The following HID1 variants were observed in gnomAD, a reference collection of about 807,000 sequenced individuals.
The protein encoded by HID1 is protein HID1.
A neutral mutation model predicts 89.7 loss-of-function variants in HID1; 42 were observed. That is an observed-to-expected ratio of 0.47 (90% confidence interval 0.37 to 0.61). The LOEUF is 0.61. HID1 is among the 20% of genes least tolerant of loss of function. The pLI is 0.00. For synonymous variants in HID1, 442 were observed against 433.8 expected, an observed-to-expected ratio of 1.02 and a Z score of -0.24; for missense variants, 854 against 1,039.3, an observed-to-expected ratio of 0.82 and a Z score of 2.45.
chr17:74,956,639 C>G (rs1385015961), intron 12 of HID1, among the ~76,000 whole-genome samples: 1 of 152,142 alleles, frequency 6.6e-6, no homozygotes, highest in Non-Finnish European at 1.5e-5. Context: ...AAGCTCACAG[C>G]CCAGCTAGAG....
In HID1 at chr17:74,972,522, C is replaced by T; in HGVS notation, c.66+69G>A. On this transcript the variant is annotated intron_variant, in intron 1 of 18. Transcript: ENST00000425042. The surrounding 1 kb of genome is among the most constrained non-coding windows in gnomAD (Gnocchi z 6.4). ...CCCATCTCCCGACGAGCCAAGTTCGCGTACCCCCGGCCCTGCCCAGCCCCC... is the reference window on the plus strand; with the variant it reads ...CCCATCTCCCGACGAGCCAAGTTCGTGTACCCCCGGCCCTGCCCAGCCCCC... 2.1e-6 allele frequency: 3 copies of T among 1,417,106 alleles called. No individual in the cohort carries two copies. The East Asian group carries it at 7.8e-5, about 37-fold the overall frequency. The allele number at this position is 1,417,106 out of a possible 1,614,324, so 87.8% of individuals were successfully genotyped here.
rs2039646041 is a variant in HID1 at position 74,971,428 on chromosome 17, C to T, written c.66+1163G>A. 2.0e-5 allele frequency among the ~76,000 whole-genome samples: 3 copies of T among 152,246 alleles called. No individual in the cohort carries two copies. The South Asian group carries it at 6.2e-4, about 31-fold the overall frequency. The stretch of plus-strand genomic sequence containing the variant: ...AGAGCCTTTCAGCCGGGGTTGGACT[C>T]TCCAGAGGCCCTGGGCATTTGCTGC... On this transcript the variant is annotated intron_variant, in intron 1 of 18. Transcript: ENST00000425042.
At chr17:74,967,574 G>T (rs530207127) in intron 1 of HID1, among the ~76,000 whole-genome samples, 70 of 152,066 alleles carry the variant, frequency 4.6e-4, no homozygotes, top group Middle Eastern at 3.4e-3. Context: ...TAATGGCTGG[G>T]CACAGTGGCT....
chr17:74,971,502 G>T (rs558468598), intron 1 of HID1, among the ~76,000 whole-genome samples: 2 of 152,202 alleles, frequency 1.3e-5, no homozygotes, highest in African/African-American at 4.8e-5. Flanking sequence ...GCAAGGTCTG[G>T]CCCCTGGAGC....
At chr17:74,963,147 G>T (rs2039510495) in intron 3 of HID1, 66 bp from the exon 4 acceptor site, 3 of 1,218,926 alleles carry the variant, frequency 2.5e-6, no homozygotes, top group Non-Finnish European at 3.5e-6. Context: ...CCCAGGGCTT[G>T]GGGGTGGTGG....
intron 14 of HID1, among the ~76,000 whole-genome samples, chr17:74,953,906 G>A (rs116752774): frequency 0.017 from 2,507 of 148,082 alleles, 79 homozygotes; most frequent in African/African-American, 0.06. Flanking sequence ...CCCCATCCCT[G>A]TGCCCATCCC....
At position 74,962,170 on chromosome 17, in the gene HID1, G is replaced by T; in HGVS notation, c.611+64C>A. ...TGGGAAGACCCCATGGGCTTTCTGAGCTGTGCGGGGGCCCGGCCCGGGGTC... is the reference window on the plus strand; with the variant it reads ...TGGGAAGACCCCATGGGCTTTCTGATCTGTGCGGGGGCCCGGCCCGGGGTC... On this transcript the variant is annotated intron_variant, in intron 5 of 18. Transcript: ENST00000425042. This position sits in a 1 kb window ranked among gnomAD's most constrained non-coding sequence, Gnocchi z 4.3. 7.2e-7 allele frequency: 1 copy of T among 1,391,456 alleles called. No homozygotes were observed. Among genetic ancestry groups the T allele is most frequent in the Non-Finnish European group, 1.0e-6 (1 of 1,003,036 alleles). 86.2% of individuals were successfully genotyped at this position (1,391,456 alleles called of 1,614,324 possible). A position where few individuals can be genotyped will look rare whatever the true frequency, so the allele number is the denominator to read the frequency against.
intron 12 of HID1, among the ~76,000 whole-genome samples, chr17:74,956,594 G>A (rs2039393999): frequency 6.6e-6 from 1 of 152,200 alleles, no homozygotes; most frequent in Non-Finnish European, 1.5e-5. Flanking sequence ...GAGCCAGAGA[G>A]TGAACCAGGA....
chr17:74,952,414 G>A (rs1359120747), intron 16 of HID1, 54 bp from the exon 17 acceptor site: 7 of 1,384,940 alleles, frequency 5.1e-6, no homozygotes, highest in Non-Finnish European at 6.2e-6. Context: ...GAGGCTGCGG[G>A]GCAAGCCTGA....
chr17:74,952,972 G>A, intron 16 of HID1, 34 bp downstream of exon 16: 1 of 1,538,880 alleles, frequency 6.5e-7, no homozygotes, highest in Non-Finnish European at 8.8e-7. Context: ...CCAAACCCCA[G>A]CCCCCGCTCG....
intron 14 of HID1, 148 bp downstream of exon 14, chr17:74,953,989 TC>T (rs1171626069): frequency 7.6e-6 from 6 of 785,052 alleles, no homozygotes; most frequent in South Asian, 1.6e-5. Flanking sequence ...TCCAGTACCC[TC>T]CCCCCATCCC....
intron 14 of HID1, among the ~76,000 whole-genome samples, chr17:74,953,918 C>G (rs1212735820): frequency 6.6e-6 from 1 of 152,130 alleles, no homozygotes; most frequent in African/African-American, 2.4e-5. Flanking sequence ...GCCCATCCCT[C>G]CAGAGTCTAC....
At position 74,959,114 on chromosome 17, in the gene HID1, C is replaced by T. The variant is rs2039440652; in HGVS notation, c.1009-63G>A. 1.4e-6 allele frequency: 2 copies of T among 1,470,554 alleles called. No individual in the cohort carries two copies. The highest frequency in any genetic ancestry group is 1.4e-5 in the African/African-American group (1 of 71,178). 91.1% of individuals were successfully genotyped at this position (1,470,554 alleles called of 1,614,324 possible). On this transcript the variant is annotated intron_variant, in intron 8 of 18. Transcript: ENST00000425042. This position sits in a 1 kb window ranked among gnomAD's most constrained non-coding sequence, Gnocchi z 4.6. ...AATCCCTGCAGCTCCAGTTTCCCAG[C>T]CCAGGCCCCCAACAAATCCCCCCCT...
Position 74,958,044 on chromosome 17 carries a change from G to T in HID1, c.1471+97C>A. The T allele has an allele frequency of 9.2e-7, 1 of 1,089,816 alleles. No individual in the cohort carries two copies. Among genetic ancestry groups the T allele is most frequent in the Non-Finnish European group, 1.3e-6 (1 of 741,324 alleles). 67.5% of individuals were successfully genotyped at this position (1,089,816 alleles called of 1,614,324 possible). ...ACACAAGCTTGCGTTCTTTCTGTGG[G>T]CTGGAGGGGCTTGAAACCTGGAGCA... On this transcript the variant is annotated intron_variant, in intron 12 of 18. Coordinates refer to ENST00000425042, the MANE Select transcript of HID1 (RefSeq NM_030630.3). This position sits in a 1 kb window ranked among gnomAD's most constrained non-coding sequence, Gnocchi z 5.2.
chr17:74,967,066 C>A (rs983471725), intron 1 of HID1, among the ~76,000 whole-genome samples: 2 of 151,998 alleles, frequency 1.3e-5, no homozygotes, highest in African/African-American at 4.8e-5. Flanking sequence ...TGGTGAAACC[C>A]CGTCTCTACT....
chr17:74,968,664 C>A (rs2039598591), intron 1 of HID1, among the ~76,000 whole-genome samples: 1 of 152,190 alleles, frequency 6.6e-6, no homozygotes, highest in South Asian at 2.1e-4. Context: ...GGACATGGCA[C>A]CCCAGTCTGG....
At chr17:74,969,758 A>C (rs1345672056) in intron 1 of HID1, among the ~76,000 whole-genome samples, 1 of 148,732 alleles carries the variant, frequency 6.7e-6, no homozygotes, top group Non-Finnish European at 1.5e-5. Context: ...CACCCCACCC[A>C]GCCCAGCTAA....
At chr17:74,960,659 CA>C (rs1262422125) in intron 6 of HID1, among the ~76,000 whole-genome samples, 7 of 152,226 alleles carry the variant, frequency 4.6e-5, no homozygotes, top group Non-Finnish European at 8.8e-5. Context: ...CAAAGGGTGG[CA>C]GTTTGCCTGA....
At position 74,954,255 on chromosome 17, in the gene HID1, G is replaced by T; in HGVS notation, c.1747C>A (p.Arg583=). The change falls in exon 14 of 19, where the codon CGG becomes AGG. Residue 583 remains arginine, a synonymous_variant. Transcript: ENST00000425042. ...TIHKALQRRR[R]TPEPLSRTGS... ...GTGCGAGACAAGGGCTCAGGTGTCC[G>T]CCGGCGCCGCTGCAGGGCCTTGTGA... 8 of 1,588,356 alleles carry T rather than the reference G, an allele frequency of 5.0e-6. No individual in the cohort carries two copies. The highest frequency in any genetic ancestry group is 6.8e-6 in the Non-Finnish European group (8 of 1,168,376).
Sources: gnomAD v4.1 joint callset for allele counts (sites outside exome capture counted in the v4.1 genomes callset) on GRCh38, gnomAD v4.1.1 for gene constraint, Gnocchi (gnomAD v3.1) non-coding constraint, MANE v1.5 for transcripts, NCBI Gene and HGNC (gene_info 2026-07-23, HGNC 2026-07-21) for gene names.